GFM1: variants seen among roughly 807,000 people sequenced by gnomAD.
GFM1 encodes the protein elongation factor G, mitochondrial.
Under a neutral mutation model 96.2 loss-of-function variants are expected in GFM1, and 62 were observed. The observed-to-expected ratio is 0.64, with a 90% CI of 0.53 to 0.80. GFM1 has a LOEUF of 0.80. Among genes scored for constraint, GFM1 ranks in the 30% least tolerant of loss-of-function variants. The pLI is 0.00. For synonymous variants in GFM1, 282 were observed against 312.9 expected (o/e 0.90, Z 1.04); for missense variants, 852 against 916.6 (o/e 0.93, Z 0.91).
At chr3:158,681,299 C>A (rs187608216) in intron 13 of GFM1, among the ~76,000 whole-genome samples, 2 of 152,288 alleles carry the variant, frequency 1.3e-5, no homozygotes, top group Non-Finnish European at 2.9e-5. Context: ...AGTAGATACT[C>A]ATGAAATGAT....
intron 14 of GFM1, chr3:158,682,362 T>G: frequency 1.8e-6 from 1 of 549,342 alleles, no homozygotes; most frequent in Non-Finnish European, 3.3e-6. Context: ...GTGACAATGA[T>G]GGGAAATTAT....
intron 13 of GFM1, among the ~76,000 whole-genome samples, chr3:158,678,735 G>T (rs2082160): frequency 0.42 from 63,201 of 152,048 alleles, 14,289 homozygotes; most frequent in African/African-American, 0.6. Context: ...TAAAGCAGTG[G>T]CAAGGTTTGA....
chr3:158,650,213 A>G (rs761847145), intron 5 of GFM1: 10 of 687,692 alleles, frequency 1.5e-5, no homozygotes, highest in Non-Finnish European at 2.6e-5. Flanking sequence ...TTTACCTACC[A>G]CTCCTTAGGA....
intron 15 of GFM1, among the ~76,000 whole-genome samples, chr3:158,688,779 T>C (rs1185638954): frequency 6.6e-6 from 1 of 152,194 alleles, no homozygotes; most frequent in Non-Finnish European, 1.5e-5. Context: ...AGTTCAGTTA[T>C]TTCTCTTTCA....
chr3:158,669,535 T>C, intron 13 of GFM1: 1 of 1,614,044 alleles, frequency 6.2e-7, no homozygotes, highest in Non-Finnish European at 8.5e-7. Flanking sequence ...CCTTCAAATG[T>C]GAAGTTGACT....
rs776127167 is a variant in GFM1, at chr3:158,669,658, TATTA to T, written c.1601+3277_1601+3280del. The T allele has an allele frequency of 9.9e-6, 15 of 1,510,686 alleles. No homozygotes were observed. In the Middle Eastern group the frequency reaches 5.1e-4, roughly 52 times the overall value. 93.6% of individuals were successfully genotyped at this position (1,510,686 alleles called of 1,614,324 possible). On this transcript the variant is annotated intron_variant, in intron 13 of 17. Coordinates refer to ENST00000486715, the MANE Select transcript of GFM1 (RefSeq NM_024996.7). ...TCCTTATATACAGAAGGCTATTCAT[TATTA>T]ATTATCATCTTTGAGATATGATTTA...
Position 158,693,102 on chromosome 3 carries a change from T to C in GFM1, c.*1635T>C, listed in dbSNP as rs1050666190. 1.3e-5 allele frequency: 2 copies of C among 152,210 alleles called. No homozygotes were observed. Among genetic ancestry groups the C allele is most frequent in the Non-Finnish European group, 2.9e-5 (2 of 68,038 alleles). The allele number at this position is 152,210 out of a possible 1,614,324, so 9.4% of individuals were successfully genotyped here. A position where few individuals can be genotyped will look rare whatever the true frequency, so the allele number is the denominator to read the frequency against. On this transcript the variant is annotated 3_prime_UTR_variant, in exon 18 of 18. Coordinates refer to ENST00000486715, the MANE Select transcript of GFM1 (RefSeq NM_024996.7). Reference sequence around the variant, plus strand: ...GAAGCACAGATAAGGTAAATAACTTTAATGAGACCACAAAACCTAAGTTTT... The same window carrying C: ...GAAGCACAGATAAGGTAAATAACTTCAATGAGACCACAAAACCTAAGTTTT...
rs1386671544 is a variant in GFM1 at position 158,665,435 on chromosome 3, A to T, written c.1479A>T (p.Ile493=). Residue 493 remains isoleucine (I), a synonymous_variant, in exon 12 of 18, where the codon ATA becomes ATT. Coordinates refer to ENST00000486715, the MANE Select transcript of GFM1 (RefSeq NM_024996.7). The part of the protein sequence containing the change: ...YFDTENKETV[I]SGMGELHLEI... ...ACACTGAGAACAAAGAGACAGTTAT[A>T]TCTGGAATGGGAGAATTACACCTGG... 6.2e-7 allele frequency: 1 copy of T among 1,610,980 alleles called. No individual in the cohort carries two copies. The highest frequency in any genetic ancestry group is 1.7e-5 in the Admixed American group (1 of 60,004).
intron 13 of GFM1, among the ~76,000 whole-genome samples, chr3:158,671,373 A>G (rs1226808218): frequency 6.6e-6 from 1 of 152,240 alleles, no homozygotes; most frequent in African/African-American, 2.4e-5. Context: ...CACCTTTGAA[A>G]AGATTTTTTC....
chr3:158,661,976 A>G (rs962339515), intron 10 of GFM1, among the ~76,000 whole-genome samples: 9 of 152,222 alleles, frequency 5.9e-5, no homozygotes, highest in East Asian at 5.8e-4. Context: ...AGTATTATTG[A>G]TAAGGCCTTC....
intron 16 of GFM1, chr3:158,690,726 A>C (rs934430410): frequency 3.1e-6 from 1 of 325,398 alleles, no homozygotes; most frequent in African/African-American, 2.2e-5. Context: ...ATCTCAAGGG[A>C]GAAGGTGTTT....
intron 12 of GFM1, 27 bp from the exon 13 acceptor site, chr3:158,666,277 A>G (rs1723667692): frequency 6.5e-7 from 1 of 1,543,926 alleles, no homozygotes; most frequent in African/African-American, 1.4e-5. Context: ...TTTTAAATTT[A>G]AATAATATTT....
chr3:158,681,840 T>G, intron 13 of GFM1, 155 bp from the exon 14 acceptor site: 3 of 742,182 alleles, frequency 4.0e-6, no homozygotes, highest in Non-Finnish European at 4.4e-6. Context: ...AGAGGGTTCT[T>G]TTTAAAATAA....
intron 13 of GFM1, among the ~76,000 whole-genome samples, chr3:158,679,175 A>G (rs1453741262): frequency 6.6e-6 from 1 of 152,232 alleles, no homozygotes; most frequent in Non-Finnish European, 1.5e-5. Flanking sequence ...TGTTTTAGCA[A>G]TACAGTATTT....
rs774039000 is a variant in GFM1 at position 158,665,318 on chromosome 3, C to G, written c.1381-19C>G. ...TCATGCTCAGTAAAACATATAGTGACTTTCTTCTTCTTTTAAAGAACGATC... is the reference window on the plus strand; with the variant it reads ...TCATGCTCAGTAAAACATATAGTGAGTTTCTTCTTCTTTTAAAGAACGATC... On this transcript the variant is annotated intron_variant, in intron 11 of 17. Transcript: ENST00000486715. The G allele has an allele frequency of 6.3e-7, 1 of 1,593,834 alleles. No homozygotes were observed. The highest frequency in any genetic ancestry group is 8.6e-7 in the Non-Finnish European group (1 of 1,161,984).
At chr3:158,689,684 T>C (rs1165343433) in intron 15 of GFM1, among the ~76,000 whole-genome samples, 4 of 151,720 alleles carry the variant, frequency 2.6e-5, no homozygotes, top group Non-Finnish European at 5.9e-5. Context: ...GGAGAATTGC[T>C]TGAACCTGGG....
chr3:158,644,909 A>C (rs1427508747), intron 1 of GFM1, 194 bp downstream of exon 1: 2 of 610,458 alleles, frequency 3.3e-6, no homozygotes, highest in Non-Finnish European at 6.1e-6. Flanking sequence ...GCTCTCTGGT[A>C]TCCCTAGGGT....
At chr3:158,656,141 G>C in intron 8 of GFM1, 1 of 204,164 alleles carries the variant, frequency 4.9e-6, no homozygotes, top group Non-Finnish European at 9.9e-6. Context: ...CATTGTTTTT[G>C]TTTTTTTTTG....
In GFM1 at chr3:158,666,346, C is replaced by A; in HGVS notation, c.1561C>A (p.Pro521Thr). The A allele has an allele frequency of 6.2e-7, 1 of 1,613,756 alleles. No individual in the cohort carries two copies. The highest frequency in any genetic ancestry group is 8.5e-7 in the Non-Finnish European group (1 of 1,179,800). Residue 521 changes from proline to threonine, a missense_variant, in exon 13 of 18, where the codon CCA becomes ACA. Transcript: ENST00000486715. Reference protein sequence around the residue: ...EYGCPCITGKPKVAFRETITA... With the variant: ...EYGCPCITGKTKVAFRETITA... ...TGGCTGTCCTTGTATCACAGGAAAG[C>A]CAAAAGTTGCCTTTCGAGAGACCAT...
Sources: gnomAD v4.1 joint callset for allele counts (sites outside exome capture counted in the v4.1 genomes callset) on GRCh38, gnomAD v4.1.1 for gene constraint, MANE v1.5 for transcripts, NCBI Gene and HGNC (gene_info 2026-07-23, HGNC 2026-07-21) for gene names.